The following TAFA1 variants were observed in gnomAD, a reference collection of about 807,000 sequenced individuals.
TAFA1 encodes chemokine-like protein TAFA-1.
A neutral mutation model predicts 18.5 loss-of-function variants in TAFA1; 4 were observed. That is an observed-to-expected ratio of 0.22 (90% confidence interval 0.11 to 0.49). The LOEUF is 0.49. Ranked by LOEUF, TAFA1 falls within the 20% of genes least tolerant of loss-of-function variation. The pLI is 0.98. For missense variants in TAFA1, 147 were observed against 169.0 expected, an observed-to-expected ratio of 0.87 and a Z score of 0.72; for synonymous variants, 56 against 55.2, an observed-to-expected ratio of 1.01 and a Z score of -0.06.
intron 2 of TAFA1, among the ~76,000 whole-genome samples, chr3:68,018,251 A>C (rs1704608835): frequency 6.6e-6 from 1 of 152,214 alleles, no homozygotes; most frequent in African/African-American, 2.4e-5. Context: ...TCTATGGAAC[A>C]CAAGTCAGCC....
At chr3:68,155,257 G>A (rs1302556871) in intron 2 of TAFA1, among the ~76,000 whole-genome samples, 1 of 152,100 alleles carries the variant, frequency 6.6e-6, no homozygotes, top group Non-Finnish European at 1.5e-5. Flanking sequence ...CTGATCAGTG[G>A]GGAAGCTATA....
chr3:68,541,145 A>T (rs2073366762), intron 4 of TAFA1, among the ~76,000 whole-genome samples: 1 of 152,244 alleles, frequency 6.6e-6, no homozygotes, highest in Non-Finnish European at 1.5e-5. Flanking sequence ...GCTGCACATC[A>T]GTCAGCTGAG....
chr3:68,040,348 C>T (rs1705137694), intron 2 of TAFA1, among the ~76,000 whole-genome samples: 1 of 152,068 alleles, frequency 6.6e-6, no homozygotes. Context: ...CTCTGACTGT[C>T]CCATAAACAA....
intron 2 of TAFA1, among the ~76,000 whole-genome samples, chr3:68,036,108 G>A (rs188490168): frequency 2.6e-5 from 4 of 152,266 alleles, no homozygotes; most frequent in Admixed American, 2.6e-4. Flanking sequence ...TTACATGGCT[G>A]TGAATTTGTT....
chr3:68,083,204 G>C (rs911159297), intron 2 of TAFA1, among the ~76,000 whole-genome samples: 1 of 152,144 alleles, frequency 6.6e-6, no homozygotes, highest in Non-Finnish European at 1.5e-5. Context: ...GCTCTATCCA[G>C]AAACAAAATA....
intron 2 of TAFA1, among the ~76,000 whole-genome samples, chr3:68,019,302 A>G (rs894705724): frequency 4.6e-5 from 7 of 152,220 alleles, no homozygotes; most frequent in African/African-American, 1.4e-4. Flanking sequence ...CTGGATTAAC[A>G]GTGCCTAATT....
chr3:68,080,903 A>T (rs2064889874), intron 2 of TAFA1, among the ~76,000 whole-genome samples: 1 of 152,094 alleles, frequency 6.6e-6, no homozygotes, highest in African/African-American at 2.4e-5. Flanking sequence ...TATCCTGCAG[A>T]GTGTTTTCCA....
intron 2 of TAFA1, among the ~76,000 whole-genome samples, chr3:68,189,022 C>T (rs910566145): frequency 2.6e-5 from 4 of 151,734 alleles, no homozygotes; most frequent in Non-Finnish European, 5.9e-5. Context: ...GGTACACTAA[C>T]GATTATGTTC....
At position 68,147,703 on chromosome 3, in the gene TAFA1, T is replaced by G. The variant is rs1286129215; in HGVS notation, c.118+140959T>G. 3.3e-5 allele frequency among the ~76,000 whole-genome samples: 5 copies of G among 152,286 alleles called. No individual in the cohort carries two copies. The East Asian group carries it at 7.7e-4, about 24-fold the overall frequency. ...AGATTTGAGGGCAAAACATTTTTTT[T>G]GTAGCTCTATTGAACGTGAATTCCA... On this transcript the variant is annotated intron_variant, in intron 2 of 4. Transcript: ENST00000478136.
intron 2 of TAFA1, among the ~76,000 whole-genome samples, chr3:68,171,058 A>C (rs2066047230): frequency 6.6e-6 from 1 of 152,192 alleles, no homozygotes; most frequent in Non-Finnish European, 1.5e-5. Context: ...AGAACTTGTA[A>C]ATTTTTGTTA....
chr3:68,160,346 A>G (rs943425778), intron 2 of TAFA1, among the ~76,000 whole-genome samples: 2 of 152,224 alleles, frequency 1.3e-5, no homozygotes, highest in Admixed American at 1.3e-4. Flanking sequence ...TTATATTGTA[A>G]ATGATGGACG....
chr3:68,499,404 A>G (rs2072614473), intron 3 of TAFA1, among the ~76,000 whole-genome samples: 1 of 146,422 alleles, frequency 6.8e-6, no homozygotes, highest in Non-Finnish European at 1.5e-5. Context: ...TATTGTTTGG[A>G]GCTAGCTTGC....
intron 2 of TAFA1, among the ~76,000 whole-genome samples, chr3:68,022,831 A>T (rs200536538): frequency 9.7e-5 from 4 of 41,270 alleles, no homozygotes; most frequent in Admixed American, 3.5e-4. Context: ...ATTATATATA[A>T]TATATATATA....
At chr3:68,382,180 C>A (rs1456787266) in intron 2 of TAFA1, among the ~76,000 whole-genome samples, 1 of 152,124 alleles carries the variant, frequency 6.6e-6, no homozygotes, top group Non-Finnish European at 1.5e-5. Context: ...ATTCGGTTTG[C>A]CAGTATTTTA....
intron 3 of TAFA1, among the ~76,000 whole-genome samples, chr3:68,451,835 CA>C (rs1305343981): frequency 6.6e-6 from 1 of 152,054 alleles, no homozygotes; most frequent in African/African-American, 2.4e-5. Context: ...CAAAATGAGA[CA>C]GGGAGTTAGC....
intron 2 of TAFA1, among the ~76,000 whole-genome samples, chr3:68,198,540 G>T (rs1401997765): frequency 2.0e-5 from 3 of 151,538 alleles, no homozygotes; most frequent in Non-Finnish European, 3.0e-5. Flanking sequence ...AGCATTTAGT[G>T]TTGTCAGTGT....
At chr3:68,483,200 C>G (rs1575910479) in intron 3 of TAFA1, among the ~76,000 whole-genome samples, 2 of 152,166 alleles carry the variant, frequency 1.3e-5, no homozygotes, top group Non-Finnish European at 2.9e-5. Flanking sequence ...GAAGGCCCAA[C>G]TCATAAGGAT....
At chr3:68,373,562 C>T (rs1166271529) in intron 2 of TAFA1, among the ~76,000 whole-genome samples, 1 of 152,178 alleles carries the variant, frequency 6.6e-6, no homozygotes, top group Non-Finnish European at 1.5e-5. Flanking sequence ...CTAAGGTACC[C>T]CATGCCCTCT....
intron 3 of TAFA1, among the ~76,000 whole-genome samples, chr3:68,454,103 T>C (rs982712491): frequency 2.0e-5 from 3 of 152,334 alleles, no homozygotes; most frequent in East Asian, 3.9e-4. Flanking sequence ...TAAATGAAGA[T>C]TCTGCAACTT....
Sources: gnomAD v4.1 joint callset for allele counts (sites outside exome capture counted in the v4.1 genomes callset) on GRCh38, gnomAD v4.1.1 for gene constraint, MANE v1.5 for transcripts, NCBI Gene and HGNC (gene_info 2026-07-23, HGNC 2026-07-21) for gene names.